The following DSTYK variants were observed in gnomAD, a reference collection of about 807,000 sequenced individuals.
DSTYK encodes RIP-homologous kinase.
Under a neutral mutation model 98.7 loss-of-function variants are expected in DSTYK, and 34 were observed. That is an observed-to-expected ratio of 0.34 (90% confidence interval 0.26 to 0.46). The LOEUF is 0.46. Among genes scored for constraint, DSTYK ranks in the 20% least tolerant of loss-of-function variants. The pLI, the probability that DSTYK is intolerant of heterozygous loss-of-function variation, is 1.00. For synonymous variants in DSTYK, 462 were observed against 457.3 expected, an observed-to-expected ratio of 1.01 and a Z score of -0.13; for missense variants, 962 against 1,181.7, an observed-to-expected ratio of 0.81 and a Z score of 2.73.
At chr1:205,166,673 T>C (rs1011150397) in intron 3 of DSTYK, among the ~76,000 whole-genome samples, 28 of 152,188 alleles carry the variant, frequency 1.8e-4, no homozygotes, top group Non-Finnish European at 3.4e-4. Flanking sequence ...TAATCAAATA[T>C]TGAGAAGACT....
intron 3 of DSTYK, among the ~76,000 whole-genome samples, chr1:205,167,721 A>AG (rs1657929769): frequency 6.6e-6 from 1 of 152,228 alleles, no homozygotes; most frequent in African/African-American, 2.4e-5. Context: ...GAGCCAGTAA[A>AG]GGTGAACTGA....
intron 1 of DSTYK, among the ~76,000 whole-genome samples, chr1:205,206,969 C>T (rs760500847): frequency 1.3e-5 from 2 of 152,066 alleles, no homozygotes; most frequent in African/African-American, 2.4e-5. Flanking sequence ...AGGCACAGCA[C>T]AGTTGTGATT....
intron 1 of DSTYK, among the ~76,000 whole-genome samples, chr1:205,209,899 T>C (rs1044320290): frequency 1.3e-5 from 2 of 149,362 alleles, no homozygotes; most frequent in African/African-American, 4.9e-5. Flanking sequence ...ATTACTATTA[T>C]TATTATTATT....
chr1:205,172,754 G>A (rs897469821), intron 2 of DSTYK, among the ~76,000 whole-genome samples: 3 of 152,084 alleles, frequency 2.0e-5, no homozygotes, highest in Admixed American at 2.0e-4. Context: ...AAAGCTCAAA[G>A]TGCTTTTAGC....
intron 1 of DSTYK, among the ~76,000 whole-genome samples, chr1:205,200,465 C>T (rs895111040): frequency 1.3e-5 from 2 of 152,110 alleles, no homozygotes; most frequent in African/African-American, 4.8e-5. Context: ...TGAGCCACTG[C>T]GTCCGGCCTC....
rs1170574886 is a variant in DSTYK, at chr1:205,150,888, T to C, written c.2353-94A>G. 4 of 907,428 alleles carry C rather than the reference T, an allele frequency of 4.4e-6. No individual in the cohort carries two copies. The highest frequency in any genetic ancestry group is 2.0e-5 in the Admixed American group (1 of 49,900). The allele number at this position is 907,428 out of a possible 1,614,324, so 56.2% of individuals were successfully genotyped here. A position where few individuals can be genotyped will look rare whatever the true frequency, so the allele number is the denominator to read the frequency against. On this transcript the variant is annotated intron_variant, in intron 10 of 12. Coordinates refer to ENST00000367162, the MANE Select transcript of DSTYK (RefSeq NM_015375.3). This position sits in a 1 kb window ranked among gnomAD's most constrained non-coding sequence, Gnocchi z 4.1. ...CTCAAAGGTAGGTACCTCAAAGTAG[T>C]GTCACTGGATAGGATTATGCTCTGA... is the stretch of plus-strand genomic sequence containing the variant.
chr1:205,157,354 T>C lies in DSTYK; in HGVS notation c.2271A>G (p.Ile757Met). 6.2e-7 allele frequency: 1 copy of C among 1,614,178 alleles called. No individual in the cohort carries two copies. Among genetic ancestry groups the C allele is most frequent in the Non-Finnish European group, 8.5e-7 (1 of 1,180,004 alleles). The change falls in exon 10 of 13, where the codon ATA (isoleucine) becomes ATG (methionine). Residue 757 changes from isoleucine to methionine, a missense_variant. Ile to Met is a conservative substitution (Grantham distance 10). Around this residue, in one of 4 missense-constraint regions of DSTYK, gnomAD observed 660 missense variants for 855.0 expected, o/e 0.77. Coordinates refer to ENST00000367162, the MANE Select transcript of DSTYK (RefSeq NM_015375.3). ...GGATTCCCTCCACCACATCTAGTGC[T>C]ATCTGCAAACGTGTCTCCAGGGTCA... ...AGLTLETRLQ[I>M]ALDVVEGIRF...
chr1:205,148,331 C>T lies in DSTYK; in HGVS notation c.2476G>A (p.Asp826Asn). The T allele has an allele frequency of 1.9e-6, 3 of 1,613,840 alleles. No homozygotes were observed. Among genetic ancestry groups the T allele is most frequent in the Non-Finnish European group, 1.7e-6 (2 of 1,179,976 alleles). Residue 826 changes from aspartate to asparagine, a missense_variant, in exon 12 of 13, where the codon GAT (aspartate) becomes AAT (asparagine). By Grantham distance (23) the Asp-to-Asn change is conservative. This residue lies in a region of DSTYK where 69 missense variants were observed against 142.9 expected (regional missense o/e 0.48). Transcript: ENST00000367162. ...AAAGCGTAGACATCCACGGAATTAT[C>T]GTACTTCCCTGATGGCAAGAAAGGA... ...MAPELFTGKY[D>N]NSVDVYAFGI...
intron 1 of DSTYK, 149 bp from the exon 2 acceptor site, chr1:205,187,955 CA>C: frequency 2.6e-6 from 2 of 763,382 alleles, no homozygotes; most frequent in South Asian, 3.9e-5. Context: ...AAGGACATAT[CA>C]GGGAAAAAAC....
chr1:205,174,739 A>ATTTT (rs201713692), intron 2 of DSTYK, among the ~76,000 whole-genome samples: 4 of 132,042 alleles, frequency 3.0e-5, no homozygotes, highest in Non-Finnish European at 4.7e-5. Flanking sequence ...TTTATTTTTA[A>ATTTT]TTTTTTTTTT....
chr1:205,183,084 A>G (rs1051508173), intron 2 of DSTYK, among the ~76,000 whole-genome samples: 22 of 148,938 alleles, frequency 1.5e-4, no homozygotes, highest in South Asian at 8.6e-4. Context: ...AAAAAAGCAC[A>G]CACACACACA....
At chr1:205,197,333 C>T (rs1658897865) in intron 1 of DSTYK, among the ~76,000 whole-genome samples, 1 of 152,004 alleles carries the variant, frequency 6.6e-6, no homozygotes, top group Non-Finnish European at 1.5e-5. Flanking sequence ...CTGCACTCAG[C>T]TCTCAAAAGG....
chr1:205,161,470 T>C, intron 6 of DSTYK, 83 bp from the exon 7 acceptor site: 1 of 1,339,688 alleles, frequency 7.5e-7, no homozygotes, highest in Non-Finnish European at 1.0e-6. Context: ...TAATAATATC[T>C]ACTTCATATA....
chr1:205,192,996 C>A (rs1658757192), intron 1 of DSTYK, among the ~76,000 whole-genome samples: 1 of 152,186 alleles, frequency 6.6e-6, no homozygotes, highest in South Asian at 2.1e-4. Context: ...AATTTAGTAA[C>A]TGTAGGACCT....
intron 1 of DSTYK, among the ~76,000 whole-genome samples, chr1:205,206,519 T>G (rs1325900048): frequency 6.6e-6 from 1 of 151,518 alleles, no homozygotes; most frequent in Non-Finnish European, 1.5e-5. Context: ...CCTCAGGTGA[T>G]CCACCCGCCT....
At chr1:205,204,726 C>T (rs187312771) in intron 1 of DSTYK, among the ~76,000 whole-genome samples, 3 of 152,110 alleles carry the variant, frequency 2.0e-5, no homozygotes, top group Non-Finnish European at 4.4e-5. Context: ...AAATTCCATA[C>T]CCATTAGCAG....
intron 1 of DSTYK, among the ~76,000 whole-genome samples, chr1:205,207,679 A>C (rs1389429745): frequency 2.2e-5 from 3 of 138,418 alleles, no homozygotes; most frequent in East Asian, 2.5e-4. Context: ...TCACGTGAAC[A>C]TGGGAGGTGA....
At chr1:205,152,051 TTG>T (rs1459174720) in intron 10 of DSTYK, among the ~76,000 whole-genome samples, 4 of 152,228 alleles carry the variant, frequency 2.6e-5, no homozygotes, top group African/African-American at 7.2e-5. Flanking sequence ...CTGTACATAA[TTG>T]TGCTATACTT....
chr1:205,192,628 A>G (rs938082292), intron 1 of DSTYK, among the ~76,000 whole-genome samples: 2 of 152,052 alleles, frequency 1.3e-5, no homozygotes, highest in East Asian at 3.9e-4. Flanking sequence ...TTGGGAGGCC[A>G]AGGCAGGTGG....
Sources: allele counts gnomAD v4.1 joint callset (sites outside exome capture counted in the v4.1 genomes callset), GRCh38; gene constraint gnomAD v4.1.1; regional missense constraint gnomAD v4.1.1; non-coding constraint Gnocchi (gnomAD v3.1); transcripts MANE v1.5; gene names NCBI Gene and HGNC (gene_info 2026-07-23, HGNC 2026-07-21).